Variants in OR52E4 observed in about 807,000 individuals in gnomAD.
OR52E4 encodes olfactory receptor family 52 subfamily E member 4, also known as olfactory receptor 52E4.
For missense variants in OR52E4, 444 were observed against 383.8 expected (o/e 1.16, Z -1.31); for synonymous variants, 169 against 137.4 (o/e 1.23, Z -1.61).
chr11:5,885,271 C>A lies in OR52E4; in HGVS notation c.*40C>A. 1 of 1,307,152 alleles carries A rather than the reference C, an allele frequency of 7.7e-7. No homozygotes were observed. 81.0% of individuals were successfully genotyped at this position (1,307,152 alleles called of 1,614,324 possible). On this transcript the variant is annotated 3_prime_UTR_variant, in exon 2 of 2. Coordinates refer to ENST00000641726, the MANE Select transcript of OR52E4 (RefSeq NM_001005165.2). ...TTGGATAAATATATCTATATACAAC[C>A]CAAATTATCATCATCTGAGCTCCCT...
At chr11:5,882,489 T>G (rs1846976062) in intron 1 of OR52E4, among the ~76,000 whole-genome samples, 1 of 152,002 alleles carries the variant, frequency 6.6e-6, no homozygotes, top group South Asian at 2.1e-4. Flanking sequence ...GCAAACATTA[T>G]GTTCTTTTTT....
chr11:5,884,642 T>C lies in OR52E4; in HGVS notation c.350T>C (p.Leu117Ser). The C allele has an allele frequency of 6.2e-7, 1 of 1,613,584 alleles. No individual in the cohort carries two copies. Among genetic ancestry groups the C allele is most frequent in the African/African-American group, 1.3e-5 (1 of 74,996 alleles). ...TTTACAGGCATGGAGACTGTTCTGTTGGTGGTCATGGCTTATGACCGCTTT... is the reference window on the plus strand; with the variant it reads ...TTTACAGGCATGGAGACTGTTCTGTCGGTGGTCATGGCTTATGACCGCTTT... The part of the protein sequence containing the change: ...HMFTGMETVL[L>S]VVMAYDRFVA... The change falls in exon 2 of 2, where the codon TTG becomes TCG. Residue 117 changes from leucine (L) to serine (S), a missense_variant. Leu to Ser is a moderately radical substitution (Grantham distance 145). Coordinates refer to ENST00000641726, the MANE Select transcript of OR52E4 (RefSeq NM_001005165.2).
In OR52E4 at chr11:5,884,279, C is replaced by T. The variant is rs185237409; in HGVS notation, c.-14C>T. ...TCCTTCATACTTAGGAATTCAGTGA[C>T]ACTTGCTGGGAGAATGCCTTCTATC... On this transcript the variant is annotated 5_prime_UTR_variant, in exon 2 of 2. Transcript: ENST00000641726. The T allele has an allele frequency of 5.6e-5, 88 of 1,573,666 alleles. No homozygotes were observed. In the East Asian group the frequency reaches 1.8e-3, roughly 32 times the overall value.
At position 5,884,890 on chromosome 11, in the gene OR52E4, T is replaced by C. The variant is rs1847017472; in HGVS notation, c.598T>C (p.Tyr200His). 3 of 1,613,066 alleles carry C rather than the reference T, an allele frequency of 1.9e-6. No individual in the cohort carries two copies. Among genetic ancestry groups the C allele is most frequent in the Non-Finnish European group, 2.5e-6 (3 of 1,179,386 alleles). ...TGCACCCATTAAGATCAACATAATCTATGGGCTCATGGTGATTTCTTATAT... is the reference window on the plus strand; with the variant it reads ...TGCACCCATTAAGATCAACATAATCCATGGGCTCATGGTGATTTCTTATAT... ...ACAPIKINII[Y>H]GLMVISYIIV... Residue 200 changes from tyrosine to histidine, a missense_variant, in exon 2 of 2, where the codon TAT (tyrosine) becomes CAT (histidine). Transcript: ENST00000641726.
chr11:5,880,870 G>GGTTGGAACAGACATCC (rs1352197246), intron 1 of OR52E4, among the ~76,000 whole-genome samples, 156 bp downstream of exon 1: 1 of 26,348 alleles, frequency 3.8e-5, no homozygotes, highest in African/African-American at 2.1e-4. Flanking sequence ...GAGCACATGG[G>GGTTGGAACAGACATCC]ATTGGTGAGG....
intron 1 of OR52E4, among the ~76,000 whole-genome samples, chr11:5,882,494 T>C (rs923530019): frequency 7.9e-5 from 12 of 151,960 alleles, no homozygotes; most frequent in Non-Finnish European, 1.2e-4. Flanking sequence ...CATTATGTTC[T>C]TTTTTCAATT....
rs1847027962 is a variant in OR52E4 at position 5,885,348 on chromosome 11, C to G, written c.*117C>G. ...TGCTTGTCAGATTTTTTCCTTTTGACTGGAAGTGCTTTAGTGTTGACAGAT... is the reference window on the plus strand; with the variant it reads ...TGCTTGTCAGATTTTTTCCTTTTGAGTGGAAGTGCTTTAGTGTTGACAGAT... On this transcript the variant is annotated 3_prime_UTR_variant, in exon 2 of 2. Transcript: ENST00000641726. 1.4e-6 allele frequency: 1 copy of G among 703,716 alleles called. No homozygotes were observed. The highest frequency in any genetic ancestry group is 3.1e-5 in the Admixed American group (1 of 32,688). 43.6% of individuals were successfully genotyped at this position (703,716 alleles called of 1,614,324 possible).
At chr11:5,881,625 A>G (rs1846964669) in intron 1 of OR52E4, among the ~76,000 whole-genome samples, 1 of 152,124 alleles carries the variant, frequency 6.6e-6, no homozygotes, top group Admixed American at 6.6e-5. Flanking sequence ...TTACAATGAA[A>G]TAACTTCTTT....
In OR52E4 at chr11:5,882,660, T is replaced by C. The variant is rs117799448; in HGVS notation, c.-74-1559T>C. Among the ~76,000 whole-genome samples the C allele has an allele frequency of 3.8e-4, 57 of 151,852 alleles. 2 individuals carry two copies. The East Asian group carries it at 9.9e-3, about 26-fold the overall frequency. Reference sequence around the variant, plus strand: ...ATGCAGCCACGTACATAATAAAACATGATTTCTCTCTCTACTCCTATCTCT... The same window carrying C: ...ATGCAGCCACGTACATAATAAAACACGATTTCTCTCTCTACTCCTATCTCT... On this transcript the variant is annotated intron_variant, in intron 1 of 1. Coordinates refer to ENST00000641726, the MANE Select transcript of OR52E4 (RefSeq NM_001005165.2).
intron 1 of OR52E4, among the ~76,000 whole-genome samples, chr11:5,881,430 C>T (rs950203676): frequency 6.6e-6 from 1 of 152,062 alleles, no homozygotes; most frequent in Non-Finnish European, 1.5e-5. Context: ...ATTGGGAAAG[C>T]TGTAAGAATA....
At chr11:5,882,324 T>C (rs890134060) in intron 1 of OR52E4, among the ~76,000 whole-genome samples, 1 of 152,014 alleles carries the variant, frequency 6.6e-6, no homozygotes. Context: ...TGGCAAAGTA[T>C]CATGTTGAGA....
In OR52E4 at chr11:5,884,446, A is replaced by C. The variant is rs761871260; in HGVS notation, c.154A>C (p.Lys52Gln). ...VGNMTILFVI[K>Q]TEHSLHQPMF... is the part of the protein sequence containing the mutation. The stretch of plus-strand genomic sequence containing the variant: ...GAATATGACCATTCTCTTTGTGATC[A>C]AAACTGAACATAGTCTACACCAGCC... Residue 52 changes from lysine (K) to glutamine (Q), a missense_variant, in exon 2 of 2, where the codon AAA becomes CAA. Coordinates refer to ENST00000641726, the MANE Select transcript of OR52E4 (RefSeq NM_001005165.2). The C allele has an allele frequency of 6.2e-7, 1 of 1,613,510 alleles. No individual in the cohort carries two copies. Among genetic ancestry groups the C allele is most frequent in the Non-Finnish European group, 8.5e-7 (1 of 1,179,652 alleles).
chr11:5,882,698 G>GTCTC lies in OR52E4; in HGVS notation c.-74-1500_-74-1497dup, dbSNP rs779364972. On this transcript the variant is annotated intron_variant, in intron 1 of 1. Transcript: ENST00000641726. Reference sequence around the variant, plus strand: ...TACTCCTATCTCTCCAACCTTCTCCGTCTCTCTCTCTCTCTCTCTCTCTCA... The same window carrying GTCTC: ...TACTCCTATCTCTCCAACCTTCTCCGTCTCTCTCTCTCTCTCTCTCTCTCTCTCA... Among the ~76,000 whole-genome samples the GTCTC allele has an allele frequency of 9.2e-5, 10 of 109,148 alleles. No individual in the cohort carries two copies. In the South Asian group the frequency reaches 1.4e-3, roughly 16 times the overall value. 71.6% of individuals were successfully genotyped at this position (109,148 alleles called of 152,430 possible).
Position 5,884,662 on chromosome 11 carries a change from C to A in OR52E4, c.370C>A (p.Arg124Ser). 6.2e-7 allele frequency: 1 copy of A among 1,613,476 alleles called. No individual in the cohort carries two copies. Among genetic ancestry groups the A allele is most frequent in the Non-Finnish European group, 8.5e-7 (1 of 1,179,696 alleles). Residue 124 changes from arginine (R) to serine (S), a missense_variant, in exon 2 of 2, where the codon CGC becomes AGC. Coordinates refer to ENST00000641726, the MANE Select transcript of OR52E4 (RefSeq NM_001005165.2). ...TCTGTTGGTGGTCATGGCTTATGAC[C>A]GCTTTGTTGCCATCTGCAACCCTCT... ...TVLLVVMAYD[R>S]FVAICNPLQY...
chr11:5,885,319 G>T lies in OR52E4; in HGVS notation c.*88G>T. The stretch of plus-strand genomic sequence containing the variant: ...CCTTTTTAATCTTCTGTAACAGTTG[G>T]TCATGCTTGTCAGATTTTTTCCTTT... On this transcript the variant is annotated 3_prime_UTR_variant, in exon 2 of 2. Coordinates refer to ENST00000641726, the MANE Select transcript of OR52E4 (RefSeq NM_001005165.2). The T allele has an allele frequency of 2.2e-6, 2 of 912,350 alleles. No homozygotes were observed. The highest frequency in any genetic ancestry group is 1.9e-5 in the South Asian group (1 of 52,734). 56.5% of individuals were successfully genotyped at this position (912,350 alleles called of 1,614,324 possible). A position where few individuals can be genotyped will look rare whatever the true frequency, so the allele number is the denominator to read the frequency against.
Position 5,884,513 on chromosome 11 carries a change from G to T in OR52E4, c.221G>T (p.Gly74Val). The T allele has an allele frequency of 1.9e-6, 3 of 1,613,424 alleles. No homozygotes were observed. The highest frequency in any genetic ancestry group is 2.5e-6 in the Non-Finnish European group (3 of 1,179,646). The change falls in exon 2 of 2, where the codon GGT becomes GTT. Residue 74 changes from glycine (G) to valine (V), a missense_variant. Transcript: ENST00000641726. ...GCCATGTTGTCTATGATTGATCTGGGTCTGTCCACATCCACTATCCCCAAA... is the reference window on the plus strand; with the variant it reads ...GCCATGTTGTCTATGATTGATCTGGTTCTGTCCACATCCACTATCCCCAAA... ...FLAMLSMIDLGLSTSTIPKML... is the reference protein window; with the variant it reads ...FLAMLSMIDLVLSTSTIPKML...
At chr11:5,883,366 A>G (rs547570139) in intron 1 of OR52E4, among the ~76,000 whole-genome samples, 1 of 152,172 alleles carries the variant, frequency 6.6e-6, no homozygotes, top group East Asian at 1.9e-4. Context: ...CTGATTAACT[A>G]CACTTATGTG....
At chr11:5,882,001 T>A (rs760696634) in intron 1 of OR52E4, among the ~76,000 whole-genome samples, 5 of 152,046 alleles carry the variant, frequency 3.3e-5, no homozygotes, top group Non-Finnish European at 5.9e-5. Context: ...AATCACAAGT[T>A]CAAAATGTGA....
chr11:5,884,669 T>C lies in OR52E4; in HGVS notation c.377T>C (p.Val126Ala), dbSNP rs1291421280. 1.2e-6 allele frequency: 2 copies of C among 1,613,498 alleles called. No homozygotes were observed. The highest frequency in any genetic ancestry group is 2.7e-5 in the African/African-American group (2 of 74,872). The change falls in exon 2 of 2, where the codon GTT (valine) becomes GCT (alanine). Residue 126 changes from valine to alanine, a missense_variant. Transcript: ENST00000641726. ...GTGGTCATGGCTTATGACCGCTTTG[T>C]TGCCATCTGCAACCCTCTCCAGTAC... ...LLVVMAYDRF[V>A]AICNPLQYTM...
Sources: allele counts gnomAD v4.1 joint callset (sites outside exome capture counted in the v4.1 genomes callset), GRCh38; gene constraint gnomAD v4.1.1; transcripts MANE v1.5; gene names NCBI Gene and HGNC (gene_info 2026-07-23, HGNC 2026-07-21).